Variants in HACE1 observed in about 807,000 individuals in gnomAD.
HACE1 encodes the protein E3 ubiquitin-protein ligase HACE1.
In HACE1, 73 loss-of-function variants were observed where a neutral mutation model predicts 118.4. That is an observed-to-expected ratio of 0.62 (90% confidence interval 0.51 to 0.75). The LOEUF (loss-of-function observed/expected upper bound fraction) is 0.75, where lower values mean the gene tolerates loss of function less well. HACE1 is among the 30% of genes least tolerant of loss of function. HACE1 has a pLI of 0.00. For synonymous variants in HACE1, 368 were observed against 374.8 expected, an observed-to-expected ratio of 0.98 and a Z score of 0.21; for missense variants, 749 against 1,102.2, an observed-to-expected ratio of 0.68 and a Z score of 4.54.
At chr6:104,777,878 G>A (rs1170031531) in intron 14 of HACE1, among the ~76,000 whole-genome samples, 1 of 152,134 alleles carries the variant, frequency 6.6e-6, no homozygotes, top group African/African-American at 2.4e-5. Context: ...TCCTGCCTCA[G>A]CCTCTCAAGT....
intron 22 of HACE1, among the ~76,000 whole-genome samples, chr6:104,732,679 T>TA (rs1775341473): frequency 6.6e-6 from 1 of 151,336 alleles, no homozygotes; most frequent in African/African-American, 2.5e-5. Flanking sequence ...AAAAATTGTT[T>TA]AAATGATACA....
chr6:104,806,647 TA>T (rs555796926), intron 7 of HACE1, among the ~76,000 whole-genome samples: 24 of 152,122 alleles, frequency 1.6e-4, no homozygotes, highest in African/African-American at 5.5e-4. Context: ...TTTAAATAAC[TA>T]AAAAAAATTA....
intron 4 of HACE1, among the ~76,000 whole-genome samples, chr6:104,846,822 C>T (rs904000067): frequency 4.6e-5 from 7 of 152,184 alleles, no homozygotes; most frequent in Admixed American, 1.3e-4. Context: ...AAACATTGAG[C>T]ACCTCTAAGT....
chr6:104,830,244 A>T (rs1385576212), intron 6 of HACE1, among the ~76,000 whole-genome samples: 4 of 152,192 alleles, frequency 2.6e-5, no homozygotes, highest in Non-Finnish European at 5.9e-5. Context: ...ATAGTGCCTT[A>T]AAAACCTGGG....
chr6:104,802,903 C>CA (rs1159738347), intron 7 of HACE1, among the ~76,000 whole-genome samples: 7 of 152,064 alleles, frequency 4.6e-5, no homozygotes, highest in Admixed American at 2.6e-4. Flanking sequence ...AAAAACCCTT[C>CA]AAAAAATCAA....
At chr6:104,857,753 C>G (rs1463834781) in intron 1 of HACE1, among the ~76,000 whole-genome samples, 2 of 151,500 alleles carry the variant, frequency 1.3e-5, no homozygotes, top group African/African-American at 4.8e-5. Flanking sequence ...GTCAGGCGAT[C>G]GAGACCATCC....
At chr6:104,768,981 A>AG (rs1220051594) in intron 19 of HACE1, among the ~76,000 whole-genome samples, 2 of 152,082 alleles carry the variant, frequency 1.3e-5, no homozygotes, top group Admixed American at 6.6e-5. Flanking sequence ...TGTCATAGTA[A>AG]GGGGGGGTGC....
At chr6:104,801,987 C>T (rs1435599393) in intron 7 of HACE1, among the ~76,000 whole-genome samples, 1 of 142,166 alleles carries the variant, frequency 7.0e-6, no homozygotes, top group Non-Finnish European at 1.5e-5. Flanking sequence ...CACACATAGG[C>T]TCAAAATAAA....
intron 6 of HACE1, among the ~76,000 whole-genome samples, chr6:104,820,335 G>A (rs143477414): frequency 6.6e-6 from 1 of 152,090 alleles, no homozygotes; most frequent in East Asian, 1.9e-4. Context: ...GTAAAAATTG[G>A]AAGTTGGGAT....
At chr6:104,789,264 C>T (rs567314837) in intron 11 of HACE1, among the ~76,000 whole-genome samples, 43 of 152,122 alleles carry the variant, frequency 2.8e-4, no homozygotes, top group African/African-American at 8.2e-4. Context: ...AATTCTTTAA[C>T]AGTTAATACT....
At chr6:104,736,431 T>C (rs1463390505) in intron 22 of HACE1, among the ~76,000 whole-genome samples, 1 of 152,048 alleles carries the variant, frequency 6.6e-6, no homozygotes, top group African/African-American at 2.4e-5. Context: ...ACCACAGGCA[T>C]GCGCCACCAT....
intron 4 of HACE1, among the ~76,000 whole-genome samples, chr6:104,844,365 G>C (rs12209671): frequency 0.13 from 16,057 of 128,164 alleles, 925 homozygotes; most frequent in Admixed American, 0.18. Context: ...TTTTTGAGAC[G>C]GAGTTTCACT....
At chr6:104,738,453 C>G (rs2114447620) in intron 22 of HACE1, among the ~76,000 whole-genome samples, 1 of 148,240 alleles carries the variant, frequency 6.7e-6, no homozygotes, top group East Asian at 2.0e-4. Context: ...CTAGAATAAC[C>G]AATACAGAGA....
intron 19 of HACE1, among the ~76,000 whole-genome samples, chr6:104,770,972 A>T (rs1780538957): frequency 6.6e-6 from 1 of 152,212 alleles, no homozygotes; most frequent in Non-Finnish European, 1.5e-5. Context: ...AGTGCTCTCG[A>T]TTTTTTAGGA....
intron 11 of HACE1, among the ~76,000 whole-genome samples, chr6:104,789,497 G>T (rs1370472463): frequency 6.6e-6 from 1 of 151,894 alleles, no homozygotes; most frequent in Non-Finnish European, 1.5e-5. Flanking sequence ...TAAAGTCTGG[G>T]TTCTATTTTT....
intron 18 of HACE1, 82 bp downstream of exon 18, chr6:104,771,843 T>C: frequency 1.0e-6 from 1 of 960,624 alleles, no homozygotes; most frequent in Non-Finnish European, 1.7e-6. Flanking sequence ...TCATCCAAAA[T>C]ACTACTGCTT....
chr6:104,734,647 C>A (rs903689596), intron 22 of HACE1, among the ~76,000 whole-genome samples: 24 of 152,176 alleles, frequency 1.6e-4, no homozygotes, highest in Non-Finnish European at 7.3e-5. Context: ...GGCTTCTACT[C>A]TTCACCCACA....
intron 7 of HACE1, among the ~76,000 whole-genome samples, chr6:104,806,555 G>C (rs1163243177): frequency 6.6e-6 from 1 of 152,244 alleles, no homozygotes; most frequent in Admixed American, 6.5e-5. Context: ...AACGCAGTTA[G>C]GGGCTCAAGT....
chr6:104,747,278 G>A (rs1053857713), intron 20 of HACE1, among the ~76,000 whole-genome samples: 1 of 151,914 alleles, frequency 6.6e-6, no homozygotes, highest in Non-Finnish European at 1.5e-5. Flanking sequence ...TTTATATTCT[G>A]GTTCTATCAT....
Sources: gnomAD v4.1 joint callset for allele counts (sites outside exome capture counted in the v4.1 genomes callset) on GRCh38, gnomAD v4.1.1 for gene constraint, MANE v1.5 for transcripts, NCBI Gene and HGNC (gene_info 2026-07-23, HGNC 2026-07-21) for gene names.